Variants in GRAMD2B observed in about 807,000 individuals in gnomAD.
GRAMD2B encodes the protein GRAM domain containing 2B.
Under a neutral mutation model 59.2 loss-of-function variants are expected in GRAMD2B, and 41 were observed. The observed-to-expected ratio is 0.69, with a 90% CI of 0.54 to 0.90. The LOEUF (loss-of-function observed/expected upper bound fraction) is 0.90. Among genes scored for constraint, GRAMD2B ranks in the 40% least tolerant of loss-of-function variants. The pLI, the probability that GRAMD2B is intolerant of heterozygous loss-of-function variation, is 0.00. For missense variants in GRAMD2B, 424 were observed against 500.5 expected (o/e 0.85, Z 1.46); for synonymous variants, 161 against 182.7 (o/e 0.88, Z 0.96).
intron 1 of GRAMD2B, among the ~76,000 whole-genome samples, chr5:126,396,332 T>C (rs1425683142): frequency 9.2e-5 from 14 of 152,142 alleles, no homozygotes; most frequent in African/African-American, 3.1e-4. Flanking sequence ...TACTCCCACC[T>C]TCCATCTACC....
chr5:126,407,554 T>A (rs1050071280), intron 1 of GRAMD2B, among the ~76,000 whole-genome samples: 1 of 152,024 alleles, frequency 6.6e-6, no homozygotes, highest in Non-Finnish European at 1.5e-5. Flanking sequence ...GGCTGAGATC[T>A]AGTGAGTTAA....
At chr5:126,368,674 AC>A (rs1754581684), upstream of GRAMD2B, among the ~76,000 whole-genome samples, 1 of 152,130 alleles carries the variant, frequency 6.6e-6, no homozygotes, top group African/African-American at 2.4e-5. Flanking sequence ...CCAGGGTTTT[AC>A]TTACCTTTCC....
intron 1 of GRAMD2B, among the ~76,000 whole-genome samples, chr5:126,405,483 ATCTGTGC>A (rs1426976473): frequency 6.6e-6 from 1 of 151,902 alleles, no homozygotes; most frequent in African/African-American, 2.4e-5. Flanking sequence ...AGATTAAATA[ATCTGTGC>A]GAGGCACAGT....
chr5:126,379,055 C>T (rs1210452583), intron 1 of GRAMD2B, among the ~76,000 whole-genome samples: 1 of 151,998 alleles, frequency 6.6e-6, no homozygotes, highest in African/African-American at 2.4e-5. Context: ...TCCCTCACCC[C>T]CCTCCCACCC....
intron 13 of GRAMD2B, 97 bp from the exon 14 acceptor site, chr5:126,492,818 G>A (rs1774185346): frequency 6.9e-6 from 5 of 726,448 alleles, no homozygotes; most frequent in East Asian, 5.6e-5. Flanking sequence ...TTTATTCAAA[G>A]TGGAATAATA....
intron 1 of GRAMD2B, chr5:126,459,013 G>T (rs561347552): frequency 6.6e-6 from 1 of 152,128 alleles, no homozygotes; most frequent in East Asian, 1.9e-4. Flanking sequence ...TCTGTTGATG[G>T]TTTCCCTCCA....
chr5:126,423,216 C>T, upstream of GRAMD2B: 9 of 1,023,986 alleles, frequency 8.8e-6, no homozygotes, highest in Non-Finnish European at 1.1e-5. Context: ...CTTAATTTAC[C>T]AGGAGGCTAA....
At chr5:126,442,607 A>G (rs1162134381) in intron 1 of GRAMD2B, among the ~76,000 whole-genome samples, 2 of 151,938 alleles carry the variant, frequency 1.3e-5, no homozygotes, top group African/African-American at 2.4e-5. Context: ...TGCTTTTCCT[A>G]ATGTGTATTT....
intron 1 of GRAMD2B, among the ~76,000 whole-genome samples, chr5:126,413,630 C>T (rs527674780): frequency 7.9e-5 from 12 of 152,046 alleles, no homozygotes; most frequent in African/African-American, 2.7e-4. Context: ...AGTCAAGTGT[C>T]GAATTTAAGT....
intron 2 of GRAMD2B, 102 bp downstream of exon 2, chr5:126,465,647 C>A: frequency 1.0e-6 from 1 of 1,003,510 alleles, no homozygotes; most frequent in Non-Finnish European, 1.5e-6. Flanking sequence ...TGTATTAATA[C>A]TATAGACAAA....
intron 1 of GRAMD2B, among the ~76,000 whole-genome samples, chr5:126,387,642 C>A (rs1756286009): frequency 1.3e-5 from 2 of 152,068 alleles, no homozygotes; most frequent in African/African-American, 4.8e-5. Context: ...CTGGCCCTGG[C>A]AGGCTTTTGT....
chr5:126,453,438 G>A (rs991951766), intron 1 of GRAMD2B, among the ~76,000 whole-genome samples: 1 of 152,006 alleles, frequency 6.6e-6, no homozygotes, highest in African/African-American at 2.4e-5. Context: ...CTAGTTTGGA[G>A]GAGATATATT....
intron 1 of GRAMD2B, 65 bp from the exon 2 acceptor site, chr5:126,465,361 A>T (rs1392463750): frequency 1.9e-6 from 3 of 1,606,836 alleles, no homozygotes; most frequent in African/African-American, 1.3e-5. Flanking sequence ...ATGTTACTTC[A>T]TCGTTTTCCT....
intron 1 of GRAMD2B, among the ~76,000 whole-genome samples, chr5:126,458,594 T>C (rs774133367): frequency 3.3e-5 from 5 of 152,140 alleles, no homozygotes; most frequent in Non-Finnish European, 7.3e-5. Context: ...ACTCTGGGGC[T>C]CCATAACTAG....
chr5:126,368,407 T>C (rs763896919), upstream of GRAMD2B, among the ~76,000 whole-genome samples: 2 of 152,246 alleles, frequency 1.3e-5, no homozygotes, highest in Non-Finnish European at 2.9e-5. Context: ...TTTCTTTCAA[T>C]GATCATGTAC....
intron 1 of GRAMD2B, among the ~76,000 whole-genome samples, chr5:126,446,795 C>G (rs1022042802): frequency 6.6e-6 from 1 of 152,082 alleles, no homozygotes; most frequent in Non-Finnish European, 1.5e-5. Flanking sequence ...CTCCCAGAAA[C>G]TGGGACTTGA....
intron 5 of GRAMD2B, among the ~76,000 whole-genome samples, chr5:126,474,756 A>T (rs1770267895): frequency 6.6e-6 from 1 of 152,228 alleles, no homozygotes; most frequent in South Asian, 2.1e-4. Flanking sequence ...AATGGTTTTA[A>T]AGTTCTACTT....
chr5:126,415,297 T>C (rs914272712), intron 1 of GRAMD2B, among the ~76,000 whole-genome samples: 1 of 152,210 alleles, frequency 6.6e-6, no homozygotes, highest in Non-Finnish European at 1.5e-5. Context: ...CTGTATCTGG[T>C]TGTGATATAA....
chr5:126,415,700 C>T (rs1759211426), intron 1 of GRAMD2B, among the ~76,000 whole-genome samples: 1 of 152,096 alleles, frequency 6.6e-6, no homozygotes, highest in Admixed American at 6.6e-5. Context: ...CTTTTGTTCC[C>T]CCTTTCCTTC....
Sources: gnomAD v4.1 joint callset for allele counts (sites outside exome capture counted in the v4.1 genomes callset) on GRCh38, gnomAD v4.1.1 for gene constraint, MANE v1.5 for transcripts, NCBI Gene and HGNC (gene_info 2026-07-23, HGNC 2026-07-21) for gene names.